Variants in SUGCT observed in about 807,000 individuals in gnomAD.
The protein encoded by SUGCT is succinyl-CoA:glutarate CoA-transferase.
In SUGCT, 41 loss-of-function variants were observed where a neutral mutation model predicts 55.0. The observed-to-expected ratio is 0.74, with a 90% CI of 0.58 to 0.97. The LOEUF is 0.97. Ranked by LOEUF, SUGCT falls within the 50% of genes least tolerant of loss-of-function variation. SUGCT has a pLI of 0.00. For synonymous variants in SUGCT, 187 were observed against 200.4 expected, an observed-to-expected ratio of 0.93 and a Z score of 0.56; for missense variants, 568 against 547.8, an observed-to-expected ratio of 1.04 and a Z score of -0.37.
chr7:40,697,026 C>T (rs181250944), intron 12 of SUGCT, among the ~76,000 whole-genome samples: 36 of 152,142 alleles, frequency 2.4e-4, no homozygotes, highest in Admixed American at 9.2e-4. Flanking sequence ...ATTTGCACTG[C>T]GGTACTTTGT....
chr7:40,755,464 C>T (rs891680323), intron 13 of SUGCT, among the ~76,000 whole-genome samples: 5 of 152,218 alleles, frequency 3.3e-5, no homozygotes, highest in Admixed American at 2.6e-4. Flanking sequence ...TTATTTGTGA[C>T]TTTAGTGGGA....
At chr7:40,170,996 A>T (rs1784643954) in intron 1 of SUGCT, among the ~76,000 whole-genome samples, 2 of 152,184 alleles carry the variant, frequency 1.3e-5, no homozygotes, top group African/African-American at 4.8e-5. Flanking sequence ...ATATTTCATA[A>T]CAACCCAGCT....
At chr7:40,446,412 C>T (rs1460737774) in intron 9 of SUGCT, among the ~76,000 whole-genome samples, 2 of 152,136 alleles carry the variant, frequency 1.3e-5, no homozygotes. Context: ...CCTTGCAATA[C>T]TTCAGCTCAA....
intron 13 of SUGCT, among the ~76,000 whole-genome samples, chr7:40,774,920 T>G (rs1789375729): frequency 6.6e-6 from 1 of 152,206 alleles, no homozygotes. Context: ...TATTCACATC[T>G]TTTTAATTGT....
chr7:40,393,589 A>G (rs1785558378), intron 9 of SUGCT, among the ~76,000 whole-genome samples: 3 of 152,136 alleles, frequency 2.0e-5, no homozygotes, highest in Non-Finnish European at 4.4e-5. Context: ...AGAATTTAGC[A>G]GATTTCTAGG....
At chr7:40,351,107 A>G (rs1450968973) in intron 9 of SUGCT, among the ~76,000 whole-genome samples, 1 of 152,110 alleles carries the variant, frequency 6.6e-6, no homozygotes, top group Non-Finnish European at 1.5e-5. Flanking sequence ...TTTATATATA[A>G]TGAGTTGTGT....
chr7:40,823,719 G>GA (rs1252737898), intron 13 of SUGCT, among the ~76,000 whole-genome samples: 1 of 151,676 alleles, frequency 6.6e-6, no homozygotes. Context: ...AAGGAAAAAT[G>GA]AAAAAAAGTA....
At chr7:40,410,036 G>A (rs1786587652) in intron 9 of SUGCT, among the ~76,000 whole-genome samples, 1 of 152,034 alleles carries the variant, frequency 6.6e-6, no homozygotes, top group Non-Finnish European at 1.5e-5. Flanking sequence ...GTAGTGGGTA[G>A]AATCTTTGCC....
chr7:40,906,570 CAA>C, the SUGCT span, among the ~76,000 whole-genome samples: 1 of 151,922 alleles, frequency 6.6e-6, no homozygotes, highest in Non-Finnish European at 1.5e-5. Flanking sequence ...CAAATAAAAA[CAA>C]TAGAGTATAA....
intron 13 of SUGCT, among the ~76,000 whole-genome samples, chr7:40,850,458 C>T (rs1793795185): frequency 6.6e-6 from 1 of 152,182 alleles, no homozygotes; most frequent in Admixed American, 6.5e-5. Context: ...CCTGTGTTTT[C>T]ATTGTTCCTT....
chr7:40,322,842 A>G (rs537984258), intron 9 of SUGCT, among the ~76,000 whole-genome samples: 2 of 151,962 alleles, frequency 1.3e-5, no homozygotes, highest in East Asian at 3.9e-4. Context: ...GGTCCCAGCT[A>G]CTCTGGAGGC....
intron 8 of SUGCT, among the ~76,000 whole-genome samples, chr7:40,303,976 G>A (rs1794696111): frequency 6.6e-6 from 1 of 151,214 alleles, no homozygotes; most frequent in Non-Finnish European, 1.5e-5. Flanking sequence ...TTGAACTCGG[G>A]AGGTGGAGGT....
chr7:40,787,522 AAGAC>A (rs949938880), intron 13 of SUGCT, among the ~76,000 whole-genome samples: 4 of 152,046 alleles, frequency 2.6e-5, no homozygotes, highest in African/African-American at 7.2e-5. Flanking sequence ...GTAAGACTGA[AAGAC>A]AGAGAGAAGA....
At chr7:40,910,698 A>T in the SUGCT span, among the ~76,000 whole-genome samples, 1 of 152,024 alleles carries the variant, frequency 6.6e-6, no homozygotes, top group African/African-American at 2.4e-5. Flanking sequence ...TCCATTGATA[A>T]GTGCTAATAA....
At chr7:40,312,890 G>GT (rs1471724766) in intron 8 of SUGCT, among the ~76,000 whole-genome samples, 7 of 152,084 alleles carry the variant, frequency 4.6e-5, no homozygotes, top group Non-Finnish European at 7.4e-5. Context: ...TTCTAGTCTT[G>GT]TTTTTTTCAT....
chr7:40,879,575 A>G, the SUGCT span, among the ~76,000 whole-genome samples: 5 of 152,176 alleles, frequency 3.3e-5, no homozygotes, highest in Admixed American at 6.5e-5. Flanking sequence ...ATGAGGCCCA[A>G]TCATGGTTCA....
chr7:40,859,167 A>G (rs1156254492), intron 13 of SUGCT, among the ~76,000 whole-genome samples: 2 of 152,238 alleles, frequency 1.3e-5, no homozygotes, highest in African/African-American at 4.8e-5. Flanking sequence ...GCCTAATCAA[A>G]TGAGACATAA....
chr7:40,668,982 T>C (rs1801791886), intron 12 of SUGCT, among the ~76,000 whole-genome samples: 1 of 152,132 alleles, frequency 6.6e-6, no homozygotes, highest in Admixed American at 6.5e-5. Context: ...AGGACTTTCA[T>C]CTCTGCCAGG....
At chr7:40,402,551 G>A (rs1452359005) in intron 9 of SUGCT, among the ~76,000 whole-genome samples, 1 of 151,298 alleles carries the variant, frequency 6.6e-6, no homozygotes, top group Non-Finnish European at 1.5e-5. Flanking sequence ...TACAAAGTCA[G>A]TGAAATTTCC....
Sources: gnomAD v4.1 joint callset for allele counts (sites outside exome capture counted in the v4.1 genomes callset) on GRCh38, gnomAD v4.1.1 for gene constraint, MANE v1.5 for transcripts, NCBI Gene and HGNC (gene_info 2026-07-23, HGNC 2026-07-21) for gene names.